Variants in AAK1 observed in about 807,000 individuals in gnomAD.
The protein encoded by AAK1 is AP2-associated protein kinase 1.
In AAK1, 37 loss-of-function variants were observed where a neutral mutation model predicts 116.0. The observed-to-expected ratio is 0.32, with a 90% CI of 0.25 to 0.42. AAK1 has a LOEUF of 0.42. Among genes scored for constraint, AAK1 ranks in the 10% least tolerant of loss-of-function variants. The pLI is 1.00. For synonymous variants in AAK1, 458 were observed against 439.9 expected (o/e 1.04, Z -0.51); for missense variants, 919 against 1,170.6 (o/e 0.79, Z 3.14).
At position 69,468,105 on chromosome 2, in the gene AAK1, G is replaced by A. The variant is rs951788614; in HGVS notation, c.*7764C>T. The A allele has an allele frequency of 3.0e-6, 3 of 985,132 alleles. No homozygotes were observed. In the African/African-American group the frequency reaches 5.2e-5, roughly 17 times the overall value. The allele number at this position is 985,132 out of a possible 1,614,324, so 61.0% of individuals were successfully genotyped here. A position where few individuals can be genotyped will look rare whatever the true frequency, so the allele number is the denominator to read the frequency against. ...AATGGCTTTCAGAATAGTATTTGAAGAATAAGATTTTGAAAAGAATAAATT... is the reference window on the plus strand; with the variant it reads ...AATGGCTTTCAGAATAGTATTTGAAAAATAAGATTTTGAAAAGAATAAATT... On this transcript the variant is annotated 3_prime_UTR_variant, in exon 22 of 22. Coordinates refer to ENST00000409085, the MANE Select transcript of AAK1 (RefSeq NM_014911.5).
At chr2:69,485,716 A>G (rs1675271302) in intron 17 of AAK1, among the ~76,000 whole-genome samples, 2 of 116,270 alleles carry the variant, frequency 1.7e-5, no homozygotes, top group Non-Finnish European at 3.5e-5. Context: ...CTGGAGTGCA[A>G]TGGCACAATT....
chr2:69,630,734 T>C (rs906695177), intron 2 of AAK1, among the ~76,000 whole-genome samples: 1 of 152,166 alleles, frequency 6.6e-6, no homozygotes, highest in Non-Finnish European at 1.5e-5. Flanking sequence ...ACCTTGAAAG[T>C]CTTCTCCTAA....
chr2:69,633,218 CA>C (rs199667063), intron 2 of AAK1, among the ~76,000 whole-genome samples: 127 of 105,950 alleles, frequency 1.2e-3, no homozygotes, highest in Non-Finnish European at 1.9e-3. Context: ...GACTCTGTTT[CA>C]AAAAAAAAAA....
At chr2:69,570,952 G>A (rs572638139) in intron 2 of AAK1, among the ~76,000 whole-genome samples, 4 of 142,870 alleles carry the variant, frequency 2.8e-5, no homozygotes, top group African/African-American at 1.2e-4. Flanking sequence ...ACAGCTCTAA[G>A]TTTGGTGTAG....
At chr2:69,551,237 G>A (rs1221509741) in intron 3 of AAK1, among the ~76,000 whole-genome samples, 5 of 152,092 alleles carry the variant, frequency 3.3e-5, no homozygotes, top group South Asian at 2.1e-4. Flanking sequence ...CACTGGGGCC[G>A]GTGGGGGTGG....
At chr2:69,589,068 T>G (rs1672908689) in intron 2 of AAK1, among the ~76,000 whole-genome samples, 1 of 152,206 alleles carries the variant, frequency 6.6e-6, no homozygotes, top group African/African-American at 2.4e-5. Flanking sequence ...AGGCCATTAC[T>G]AGTGTCAGCT....
At position 69,545,597 on chromosome 2, in the gene AAK1, T is replaced by C. The variant is rs188456324; in HGVS notation, c.283-1053A>G. 4.6e-5 allele frequency among the ~76,000 whole-genome samples: 7 copies of C among 152,252 alleles called. No homozygotes were observed. The East Asian group carries it at 1.4e-3, about 29-fold the overall frequency. ...TGTTTACAGTGAAAAACAAATTTCA[T>C]AACAAAACAAGAGAAAACCCCATGG... On this transcript the variant is annotated intron_variant, in intron 3 of 21. Coordinates refer to ENST00000409085, the MANE Select transcript of AAK1 (RefSeq NM_014911.5).
rs192176084 is a variant in AAK1 at position 69,513,558 on chromosome 2, T to C, written c.1776+913A>G. Among the ~76,000 whole-genome samples the C allele has an allele frequency of 4.6e-3, 695 of 152,260 alleles. 4 individuals carry two copies. Among genetic ancestry groups the C allele is most frequent in the African/African-American group, 0.016 (662 of 41,542 alleles). On this transcript the variant is annotated intron_variant, in intron 13 of 21. Transcript: ENST00000409085. The stretch of plus-strand genomic sequence containing the variant: ...CAGGATGGTCTCGATCTCCTGACCT[T>C]GTGATCCGCCCGCCTCGGCCTCCCA...
chr2:69,466,219 C>G lies in AAK1; in HGVS notation c.*9650G>C, dbSNP rs760217975. On this transcript the variant is annotated 3_prime_UTR_variant, in exon 22 of 22. Coordinates refer to ENST00000409085, the MANE Select transcript of AAK1 (RefSeq NM_014911.5). Reference sequence around the variant, plus strand: ...ACTGTCTTTGCTTGCTCAGGAGAGACTTCTGGTGGAGCGAATGGAACGGCT... The same window carrying G: ...ACTGTCTTTGCTTGCTCAGGAGAGAGTTCTGGTGGAGCGAATGGAACGGCT... 1.3e-5 allele frequency: 17 copies of G among 1,289,692 alleles called. No individual in the cohort carries two copies. The highest frequency in any genetic ancestry group is 3.0e-6 in the Non-Finnish European group (3 of 988,882). 79.9% of individuals were successfully genotyped at this position (1,289,692 alleles called of 1,614,324 possible). A position where few individuals can be genotyped will look rare whatever the true frequency, so the allele number is the denominator to read the frequency against.
intron 2 of AAK1, among the ~76,000 whole-genome samples, chr2:69,582,396 T>C (rs552452492): frequency 2.1e-4 from 32 of 149,630 alleles, no homozygotes; most frequent in East Asian, 5.8e-4. Context: ...CGTGTGTGTG[T>C]GCGTGTGTGT....
intron 17 of AAK1, among the ~76,000 whole-genome samples, chr2:69,483,539 C>T (rs1183802473): frequency 6.6e-6 from 1 of 152,106 alleles, no homozygotes; most frequent in African/African-American, 2.4e-5. Context: ...TAAACATTTG[C>T]ATATAAATCT....
At chr2:69,636,235 A>T (rs1172203549) in intron 2 of AAK1, among the ~76,000 whole-genome samples, 1 of 152,256 alleles carries the variant, frequency 6.6e-6, no homozygotes, top group Non-Finnish European at 1.5e-5. Context: ...TAATGCAATC[A>T]AAAATGAACA....
In AAK1 at chr2:69,460,599, C is replaced by G. The variant is rs7608459; in HGVS notation, c.*15270G>C. ...GAAAACTCAGATACAACATGAGCCT[C>G]TAAACACATACACTCTAGTCTACAA... On this transcript the variant is annotated 3_prime_UTR_variant, in exon 22 of 22. Transcript: ENST00000409085. 102,618 of 151,564 alleles carry G rather than the reference C, an allele frequency of 0.68. 36,160 individuals carry two copies. The highest frequency in any genetic ancestry group is 0.89 in the African/African-American group (36,886 of 41,360). 9.4% of individuals were successfully genotyped at this position (151,564 alleles called of 1,614,324 possible).
intron 2 of AAK1, among the ~76,000 whole-genome samples, chr2:69,620,634 G>A (rs1157769846): frequency 6.6e-6 from 1 of 152,102 alleles, no homozygotes; most frequent in Non-Finnish European, 1.5e-5. Flanking sequence ...TGGGATATTT[G>A]ACCCTCTTTA....
At chr2:69,489,023 T>G (rs1675414215) in intron 17 of AAK1, among the ~76,000 whole-genome samples, 1 of 151,504 alleles carries the variant, frequency 6.6e-6, no homozygotes, top group African/African-American at 2.4e-5. Flanking sequence ...TTTTTTTTTT[T>G]TTTGAAAAAA....
chr2:69,506,928 C>T (rs112798976), intron 15 of AAK1, among the ~76,000 whole-genome samples: 3,718 of 151,316 alleles, frequency 0.025, 140 homozygotes, highest in African/African-American at 0.084. Context: ...GTTCTTCAGG[C>T]AGAAGTATAT....
Position 69,520,887 on chromosome 2 carries a change from G to C in AAK1, c.1157C>G (p.Pro386Arg), listed in dbSNP as rs1558931552. 6.2e-7 allele frequency: 1 copy of C among 1,605,704 alleles called. No individual in the cohort carries two copies. Among genetic ancestry groups the C allele is most frequent in the Non-Finnish European group, 8.5e-7 (1 of 1,175,856 alleles). ...QPNPGILPIQ[P>R]ALTPRKRATV... ...GGCCCTCTTCCGGGGTGTCAGCGCT[G>C]GCTGGATGGGAAGGATTCCTGGGTT... Residue 386 changes from proline (P) to arginine (R), a missense_variant, in exon 11 of 22, where the codon CCA (proline) becomes CGA (arginine). Pro to Arg is a moderately radical substitution (Grantham distance 103, BLOSUM62 -2). Coordinates refer to ENST00000409085, the MANE Select transcript of AAK1 (RefSeq NM_014911.5).
chr2:69,465,739 G>C lies in AAK1; in HGVS notation c.*10130C>G, dbSNP rs377251388. 3.8e-5 allele frequency: 49 copies of C among 1,290,788 alleles called. No individual in the cohort carries two copies. The highest frequency in any genetic ancestry group is 5.0e-5 in the Non-Finnish European group (49 of 988,888). 80.0% of individuals were successfully genotyped at this position (1,290,788 alleles called of 1,614,324 possible). ...TCATTAGAATGACCCCCAGATTCCA[G>C]GCAGGATCCCCTGGGAGAGATGCTG... On this transcript the variant is annotated 3_prime_UTR_variant, in exon 22 of 22. Coordinates refer to ENST00000409085, the MANE Select transcript of AAK1 (RefSeq NM_014911.5).
intron 3 of AAK1, 90 bp downstream of exon 3, chr2:69,556,770 G>A (rs1671403086): frequency 2.1e-6 from 2 of 961,586 alleles, no homozygotes; most frequent in African/African-American, 1.6e-5. Context: ...CCATCTCAGG[G>A]AAGGGAACAA....
Sources: gnomAD v4.1 joint callset for allele counts (sites outside exome capture counted in the v4.1 genomes callset) on GRCh38, gnomAD v4.1.1 for gene constraint, MANE v1.5 for transcripts, NCBI Gene and HGNC (gene_info 2026-07-23, HGNC 2026-07-21) for gene names.